The following KLF3 variants were observed in gnomAD, a reference collection of about 807,000 sequenced individuals.
KLF3 encodes the protein Krueppel-like factor 3.
Under a neutral mutation model 32.7 loss-of-function variants are expected in KLF3, and 6 were observed. The observed-to-expected ratio is 0.18, with a 90% CI of 0.10 to 0.36. The LOEUF is 0.36. Ranked by LOEUF, KLF3 falls within the 10% of genes least tolerant of loss-of-function variation. KLF3 has a pLI of 1.00. For synonymous variants in KLF3, 145 were observed against 172.8 expected (o/e 0.84, Z 1.26); for missense variants, 338 against 449.7 (o/e 0.75, Z 2.25).
chr4:38,664,730 G>C (rs1007800074), intron 1 of KLF3: 1 of 149,496 alleles, frequency 6.7e-6, no homozygotes, highest in African/African-American at 2.5e-5. Flanking sequence ...CGGACCCCGG[G>C]TGCGGGGGAG....
At position 38,693,351 on chromosome 4, in the gene KLF3, A is replaced by T. The variant is rs538316198; in HGVS notation, c.696-1395A>T. ...GCAGTAAATAAATAATGTTTTTTTT[A>T]AAAAAAAAAAGCATGAGAAGTAAGG... On this transcript the variant is annotated intron_variant, in intron 4 of 5. Transcript: ENST00000261438. 3.5e-3 allele frequency among the ~76,000 whole-genome samples: 428 copies of T among 124,022 alleles called. 2 individuals carry two copies. The highest frequency in any genetic ancestry group is 6.2e-3 in the Non-Finnish European group (344 of 55,256). The allele number at this position is 124,022 out of a possible 152,430, so 81.4% of individuals were successfully genotyped here.
intron 3 of KLF3, 35 bp downstream of exon 3, chr4:38,689,106 G>T (rs567624622): frequency 6.2e-7 from 1 of 1,606,012 alleles, no homozygotes; most frequent in African/African-American, 1.3e-5. Context: ...TGCTGCACTT[G>T]CTTAGCGTAC....
rs1036959078 is a variant in KLF3 at position 38,700,141 on chromosome 4, T to G, written c.*2878T>G. 2.6e-5 allele frequency: 4 copies of G among 152,228 alleles called. No individual in the cohort carries two copies. Among genetic ancestry groups the G allele is most frequent in the African/African-American group, 9.6e-5 (4 of 41,460 alleles). The allele number at this position is 152,228 out of a possible 1,614,324, so 9.4% of individuals were successfully genotyped here. A position where few individuals can be genotyped will look rare whatever the true frequency, so the allele number is the denominator to read the frequency against. ...TGTGAATCTACATCATAAATGGGCA[T>G]TAACATTCTAAATTGCTTGGTTTGG... On this transcript the variant is annotated 3_prime_UTR_variant, in exon 6 of 6. Coordinates refer to ENST00000261438, the MANE Select transcript of KLF3 (RefSeq NM_016531.6).
intron 5 of KLF3, among the ~76,000 whole-genome samples, chr4:38,695,724 A>G (rs1046458892): frequency 6.6e-6 from 1 of 152,148 alleles, no homozygotes; most frequent in Non-Finnish European, 1.5e-5. Context: ...ATTAAAAATG[A>G]CATCTTTTAA....
intron 4 of KLF3, among the ~76,000 whole-genome samples, chr4:38,694,057 C>T (rs938240413): frequency 2.0e-5 from 3 of 152,176 alleles, no homozygotes; most frequent in African/African-American, 4.8e-5. Context: ...GAAATTCTCC[C>T]TCATACAGGA....
In KLF3 at chr4:38,697,964, A is replaced by C. The variant is rs1024495230; in HGVS notation, c.*701A>C. 4 of 152,206 alleles carry C rather than the reference A, an allele frequency of 2.6e-5. No homozygotes were observed. The highest frequency in any genetic ancestry group is 1.3e-4 in the Admixed American group (2 of 15,278). 9.4% of individuals were successfully genotyped at this position (152,206 alleles called of 1,614,324 possible). ...GGGAAGGGTGCTGTGTTTTCATAGC[A>C]TGGAGTCGGAGGAGAGGGCCATTTA... is the stretch of plus-strand genomic sequence containing the variant. On this transcript the variant is annotated 3_prime_UTR_variant, in exon 6 of 6. Coordinates refer to ENST00000261438, the MANE Select transcript of KLF3 (RefSeq NM_016531.6).
rs1472126329 is a variant in KLF3, at chr4:38,671,764, ATTAAACAGCGCCTGG to A, written c.-40+7304_-40+7318del. On this transcript the variant is annotated intron_variant, in intron 1 of 5. Coordinates refer to ENST00000261438, the MANE Select transcript of KLF3 (RefSeq NM_016531.6). The surrounding 1 kb of genome is among the most constrained non-coding windows in gnomAD (Gnocchi z 4.4). ...GGAAGGTAGTAACCACCTCATTGAC[ATTAAACAGCGCCTGG>A]GGATTGCCAATCACGAAGGTGGTGG... is the stretch of plus-strand genomic sequence containing the variant. Among the ~76,000 whole-genome samples the A allele has an allele frequency of 6.6e-6, 1 of 152,160 alleles. No individual in the cohort carries two copies. Among genetic ancestry groups the A allele is most frequent in the Non-Finnish European group, 1.5e-5 (1 of 68,014 alleles).
chr4:38,689,962 G>A (rs1166289347), intron 4 of KLF3, 83 bp downstream of exon 4: 1 of 1,389,644 alleles, frequency 7.2e-7, no homozygotes, highest in South Asian at 1.4e-5. Context: ...TTTCACACGT[G>A]TGATGTGGTG....
Position 38,698,613 on chromosome 4 carries a change from G to A in KLF3, c.*1350G>A, listed in dbSNP as rs1723118126. The A allele has an allele frequency of 6.6e-6, 1 of 152,488 alleles. No homozygotes were observed. Among genetic ancestry groups the A allele is most frequent in the Non-Finnish European group, 1.5e-5 (1 of 68,024 alleles). The allele number at this position is 152,488 out of a possible 1,614,324, so 9.4% of individuals were successfully genotyped here. A position where few individuals can be genotyped will look rare whatever the true frequency, so the allele number is the denominator to read the frequency against. On this transcript the variant is annotated 3_prime_UTR_variant, in exon 6 of 6. Transcript: ENST00000261438. ...GCTCAAAAATTCCCAAAAGTTTACT[G>A]TTAGAGTTGGCAATTTCCTATCACT...
Position 38,700,380 on chromosome 4 carries a change from G to A in KLF3, c.*3117G>A, listed in dbSNP as rs764697962. On this transcript the variant is annotated 3_prime_UTR_variant, in exon 6 of 6. Transcript: ENST00000261438. Reference sequence around the variant, plus strand: ...GCGCATCATTCCTGATTAGATTGTTGTAAAGACAATCTGAAAGATCTAAGG... The same window carrying A: ...GCGCATCATTCCTGATTAGATTGTTATAAAGACAATCTGAAAGATCTAAGG... 1.3e-5 allele frequency: 2 copies of A among 152,158 alleles called. No individual in the cohort carries two copies. The highest frequency in any genetic ancestry group is 2.4e-5 in the African/African-American group (1 of 41,426). The allele number at this position is 152,158 out of a possible 1,614,324, so 9.4% of individuals were successfully genotyped here.
At chr4:38,665,933 TTAGTAA>T (rs1269454709) in intron 1 of KLF3, among the ~76,000 whole-genome samples, 3 of 152,112 alleles carry the variant, frequency 2.0e-5, no homozygotes, top group Non-Finnish European at 1.5e-5. Flanking sequence ...TTTTTTGGAG[TTAGTAA>T]TAGTGTTTAA....
At chr4:38,664,932 G>T (rs1288041953) in intron 1 of KLF3, 1 of 147,710 alleles carries the variant, frequency 6.8e-6, no homozygotes, top group Non-Finnish European at 1.5e-5. Context: ...CCCCCTCCCG[G>T]TGCCCCCCCA....
chr4:38,677,488 T>C (rs1460551364), intron 1 of KLF3, among the ~76,000 whole-genome samples: 1 of 152,188 alleles, frequency 6.6e-6, no homozygotes, highest in Non-Finnish European at 1.5e-5. Flanking sequence ...AATGGTAGAC[T>C]TAGAATTTGA....
chr4:38,688,974 G>T lies in KLF3; in HGVS notation c.447G>T (p.Val149=), dbSNP rs1344292048. The change falls in exon 3 of 6, where the codon GTG becomes GTT. Residue 149 remains valine (V), a synonymous_variant. Coordinates refer to ENST00000261438, the MANE Select transcript of KLF3 (RefSeq NM_016531.6). This position sits in a 1 kb window ranked among gnomAD's most constrained non-coding sequence, Gnocchi z 4.9. ...PGILPVIQPV[V]VQPVPFMYTS... ...TCCTGCCCGTCATCCAGCCGGTGGT[G>T]GTGCAGCCCGTCCCCTTTATGTACA... is the stretch of plus-strand genomic sequence containing the variant. The T allele has an allele frequency of 6.2e-7, 1 of 1,614,112 alleles. No homozygotes were observed. Among genetic ancestry groups the T allele is most frequent in the Non-Finnish European group, 8.5e-7 (1 of 1,180,048 alleles).
rs191632468 is a variant in KLF3 at position 38,684,468 on chromosome 4, C to T, written c.57+3786C>T. Among the ~76,000 whole-genome samples the T allele has an allele frequency of 2.0e-3, 297 of 150,724 alleles. 1 individual carries two copies. The highest frequency in any genetic ancestry group is 6.9e-3 in the African/African-American group (285 of 41,048). ...GTGCAGGGGTGTGAACATCTGAGTA[C>T]ATGTTACAGACGGAAATAACTCTTA... is the stretch of plus-strand genomic sequence containing the variant. On this transcript the variant is annotated intron_variant, in intron 2 of 5. Transcript: ENST00000261438.
At chr4:38,684,327 C>A (rs1240367079) in intron 2 of KLF3, among the ~76,000 whole-genome samples, 1 of 152,080 alleles carries the variant, frequency 6.6e-6, no homozygotes, top group Non-Finnish European at 1.5e-5. Context: ...TAAAAACCTG[C>A]TAAGAGAGTG....
chr4:38,693,115 T>C (rs890234891), intron 4 of KLF3, among the ~76,000 whole-genome samples: 54 of 38,114 alleles, frequency 1.4e-3, no homozygotes, highest in South Asian at 5.2e-3. Flanking sequence ...TACATATATA[T>C]ACATATATAT....
chr4:38,668,709 C>T lies in KLF3; in HGVS notation c.-40+4248C>T, dbSNP rs957015938. On this transcript the variant is annotated intron_variant, in intron 1 of 5. Transcript: ENST00000261438. ...CAGGTTTTTTTGTTTGTTTTGGTTCCAAAGTTGTTAACAATCTAACTAGGT... is the reference window on the plus strand; with the variant it reads ...CAGGTTTTTTTGTTTGTTTTGGTTCTAAAGTTGTTAACAATCTAACTAGGT... Among the ~76,000 whole-genome samples, 5 of 152,106 alleles carry T rather than the reference C, an allele frequency of 3.3e-5. No individual in the cohort carries two copies. In the East Asian group the frequency reaches 9.6e-4, roughly 29 times the overall value.
At chr4:38,665,080 A>G (rs1040770146) in intron 1 of KLF3, among the ~76,000 whole-genome samples, 2 of 150,042 alleles carry the variant, frequency 1.3e-5, no homozygotes, top group Non-Finnish European at 3.0e-5. Flanking sequence ...GGCCCTCTGG[A>G]AAGAAACTTA....
Sources: allele counts gnomAD v4.1 joint callset (sites outside exome capture counted in the v4.1 genomes callset), GRCh38; gene constraint gnomAD v4.1.1; non-coding constraint Gnocchi (gnomAD v3.1); transcripts MANE v1.5; gene names NCBI Gene and HGNC (gene_info 2026-07-23, HGNC 2026-07-21).